The following VIPR2 variants were observed in gnomAD, a reference collection of about 807,000 sequenced individuals.
VIPR2 encodes the protein vasoactive intestinal polypeptide receptor 2.
Under a neutral mutation model 58.0 loss-of-function variants are expected in VIPR2, and 48 were observed. The observed-to-expected ratio is 0.83, with a 90% CI of 0.66 to 1.05. The LOEUF (loss-of-function observed/expected upper bound fraction) is 1.05. Among genes scored for constraint, VIPR2 ranks in the 50% least tolerant of loss-of-function variants. The pLI is 0.00. For missense variants in VIPR2, 534 were observed against 558.0 expected (o/e 0.96, Z 0.43); for synonymous variants, 243 against 235.2 (o/e 1.03, Z -0.30).
chr7:159,046,311 T>A (rs779281932), intron 5 of VIPR2, among the ~76,000 whole-genome samples: 1 of 152,186 alleles, frequency 6.6e-6, no homozygotes, highest in Non-Finnish European at 1.5e-5. Context: ...GTGAAACAGT[T>A]CAAATGTCCA....
chr7:159,139,430 C>T (rs191940148), intron 2 of VIPR2, among the ~76,000 whole-genome samples: 168 of 152,308 alleles, frequency 1.1e-3, no homozygotes, highest in African/African-American at 3.8e-3. Flanking sequence ...CTGTGAACAG[C>T]AAGTCTCTTG....
At chr7:159,046,704 A>T (rs956670472) in intron 5 of VIPR2, among the ~76,000 whole-genome samples, 1 of 152,176 alleles carries the variant, frequency 6.6e-6, no homozygotes, top group Admixed American at 6.5e-5. Flanking sequence ...TTTTACCACA[A>T]ATTTTGGAAA....
Position 159,035,978 on chromosome 7 carries a change from C to T in VIPR2, c.783G>A (p.Ala261=), listed in dbSNP as rs757935209. The change falls in exon 8 of 13, where the codon GCG becomes GCA. Residue 261 remains alanine, a synonymous_variant. Coordinates refer to ENST00000262178, the MANE Select transcript of VIPR2 (RefSeq NM_003382.5). ...CGGTGTCTTCTAAGTAGAGCCTGGC[C>T]GCAGTCCATGCACCGATGCAGACGG... The part of the protein sequence containing the change: ...LPTVCIGAWT[A]ARLYLEDTGC... 1.6e-5 allele frequency: 26 copies of T among 1,613,542 alleles called. 1 individual carries two copies. Among genetic ancestry groups the T allele is most frequent in the Admixed American group, 3.3e-5 (2 of 59,978 alleles).
Position 159,030,506 on chromosome 7 carries a change from G to T in VIPR2, c.*110C>A. ...AGCTTGACGGAGTCAGGACCGCGCT[G>T]ACCTGCCCGACACGGTGCTCGGGCA... On this transcript the variant is annotated 3_prime_UTR_variant, in exon 13 of 13. Transcript: ENST00000262178. The T allele has an allele frequency of 7.3e-7, 1 of 1,374,986 alleles. No homozygotes were observed. The highest frequency in any genetic ancestry group is 2.6e-5 in the East Asian group (1 of 37,978). 85.2% of individuals were successfully genotyped at this position (1,374,986 alleles called of 1,614,324 possible).
chr7:159,115,518 A>T (rs562698314), intron 2 of VIPR2, among the ~76,000 whole-genome samples: 2 of 152,344 alleles, frequency 1.3e-5, no homozygotes, highest in South Asian at 2.1e-4. Flanking sequence ...GCCTCCTCTG[A>T]TCTCAGCAGC....
rs533404305 is a variant in VIPR2, at chr7:159,036,097, G to C, written c.749-85C>G. 18 of 1,459,032 alleles carry C rather than the reference G, an allele frequency of 1.2e-5. 1 individual carries two copies. The South Asian group carries it at 2.4e-4, about 19-fold the overall frequency. 90.4% of individuals were successfully genotyped at this position (1,459,032 alleles called of 1,614,324 possible). A position where few individuals can be genotyped will look rare whatever the true frequency, so the allele number is the denominator to read the frequency against. On this transcript the variant is annotated intron_variant, in intron 7 of 12. Transcript: ENST00000262178. The stretch of plus-strand genomic sequence containing the variant: ...GTGCCTTCACCAGCAAAACCCTCAA[G>C]GACACGCTTTCTCACGGGAATATTA...
At position 159,093,568 on chromosome 7, in the gene VIPR2, T is replaced by G. The variant is rs1857623098; in HGVS notation, c.357+10189A>C. Among the ~76,000 whole-genome samples, 1 of 152,188 alleles carries G rather than the reference T, an allele frequency of 6.6e-6. No individual in the cohort carries two copies. Among genetic ancestry groups the G allele is most frequent in the Non-Finnish European group, 1.5e-5 (1 of 68,032 alleles). Reference sequence around the variant, plus strand: ...TGAAAACTCCCCTGGAGTCTGTCAGTGCAGAGCAGCGCTGGGCTCAGGATC... The same window carrying G: ...TGAAAACTCCCCTGGAGTCTGTCAGGGCAGAGCAGCGCTGGGCTCAGGATC... On this transcript the variant is annotated intron_variant, in intron 4 of 12. Transcript: ENST00000262178. The surrounding 1 kb of genome is among the most constrained non-coding windows in gnomAD (Gnocchi z 6.7).
chr7:159,079,644 C>T (rs543927295), intron 4 of VIPR2, among the ~76,000 whole-genome samples: 2 of 151,954 alleles, frequency 1.3e-5, no homozygotes, highest in South Asian at 2.1e-4. Context: ...AATAGAGACA[C>T]AAAAAACCCT....
chr7:159,047,415 AT>A (rs2129493611), intron 5 of VIPR2, among the ~76,000 whole-genome samples: 2 of 152,324 alleles, frequency 1.3e-5, no homozygotes, highest in African/African-American at 4.8e-5. Context: ...ACAAATGTCA[AT>A]TGTTTATAAA....
intron 4 of VIPR2, among the ~76,000 whole-genome samples, chr7:159,087,463 T>C (rs1351580405): frequency 5.7e-4 from 48 of 84,766 alleles, no homozygotes; most frequent in East Asian, 1.5e-3. Context: ...ACCCAGGACT[T>C]GGATAGTGAG....
intron 4 of VIPR2, among the ~76,000 whole-genome samples, chr7:159,100,743 C>T (rs555632407): frequency 1.4e-4 from 21 of 151,742 alleles, no homozygotes; most frequent in Admixed American, 4.6e-4. Flanking sequence ...GAGGCGGTTC[C>T]GACTGTTCCT....
intron 4 of VIPR2, among the ~76,000 whole-genome samples, chr7:159,091,056 T>C (rs926015652): frequency 1.9e-3 from 265 of 142,038 alleles, no homozygotes; most frequent in African/African-American, 4.7e-3. Context: ...CATCACAATC[T>C]CTGGTGACCT....
chr7:159,083,817 T>G (rs1347500693), intron 4 of VIPR2, among the ~76,000 whole-genome samples: 1 of 152,224 alleles, frequency 6.6e-6, no homozygotes, highest in Non-Finnish European at 1.5e-5. Flanking sequence ...ACTGTGTCCC[T>G]AACTGCAGGC....
At chr7:159,118,897 C>T (rs1796346598) in intron 2 of VIPR2, among the ~76,000 whole-genome samples, 1 of 152,232 alleles carries the variant, frequency 6.6e-6, no homozygotes, top group Non-Finnish European at 1.5e-5. Flanking sequence ...CGGCACAGCG[C>T]TTTGTGCACT....
intron 4 of VIPR2, among the ~76,000 whole-genome samples, chr7:159,076,700 A>G (rs1235956195): frequency 1.3e-5 from 2 of 152,244 alleles, no homozygotes; most frequent in African/African-American, 2.4e-5. Context: ...AAAAATAAGC[A>G]CTTGTATAAG....
chr7:159,066,210 G>A (rs1412685507), intron 4 of VIPR2, among the ~76,000 whole-genome samples: 1 of 152,024 alleles, frequency 6.6e-6, no homozygotes, highest in Non-Finnish European at 1.5e-5. Context: ...CCGTCCATGG[G>A]ATTGCAGGAT....
chr7:159,117,437 T>G (rs879483104), intron 2 of VIPR2: 32 of 717,184 alleles, frequency 4.5e-5, no homozygotes, highest in Non-Finnish European at 7.5e-5. Context: ...AGTGAGCACA[T>G]GAAACATAGT....
At chr7:159,056,137 G>A (rs1855315856) in intron 5 of VIPR2, among the ~76,000 whole-genome samples, 1 of 152,184 alleles carries the variant, frequency 6.6e-6, no homozygotes, top group Non-Finnish European at 1.5e-5. Flanking sequence ...CTTACCTGAT[G>A]ATGTTAACAT....
In VIPR2 at chr7:159,098,927, A is replaced by G. The variant is rs533421086; in HGVS notation, c.357+4830T>C. On this transcript the variant is annotated intron_variant, in intron 4 of 12. Transcript: ENST00000262178. This position sits in a 1 kb window ranked among gnomAD's most constrained non-coding sequence, Gnocchi z 5.2. ...GGGCAGGAGAAACTCTGTTCAGTTC[A>G]GCTCCCAGGCAGCCCTGCGCTCGCC... Among the ~76,000 whole-genome samples, 149 of 152,322 alleles carry G rather than the reference A, an allele frequency of 9.8e-4. 1 individual carries two copies. Among genetic ancestry groups the G allele is most frequent in the South Asian group, 2.5e-3 (12 of 4,826 alleles).
Sources: allele counts gnomAD v4.1 joint callset (sites outside exome capture counted in the v4.1 genomes callset), GRCh38; gene constraint gnomAD v4.1.1; non-coding constraint Gnocchi (gnomAD v3.1); transcripts MANE v1.5; gene names NCBI Gene and HGNC (gene_info 2026-07-23, HGNC 2026-07-21).